Variants in SLC44A5 observed in about 807,000 individuals in gnomAD.
The protein encoded by SLC44A5 is choline transporter-like protein 5.
In SLC44A5, 57 loss-of-function variants were observed where a neutral mutation model predicts 101.8. That is an observed-to-expected ratio of 0.56 (90% CI 0.45 to 0.70). The LOEUF (loss-of-function observed/expected upper bound fraction) is 0.70, where lower values mean the gene tolerates loss of function less well. Among genes scored for constraint, SLC44A5 ranks in the 30% least tolerant of loss-of-function variants. The probability of loss-of-function intolerance (pLI) is 0.00; values close to 1 mark genes in which losing one functional copy is unlikely to be tolerated. For synonymous variants in SLC44A5, 281 were observed against 290.9 expected, an observed-to-expected ratio of 0.97 and a Z score of 0.35; for missense variants, 737 against 853.1, an observed-to-expected ratio of 0.86 and a Z score of 1.70.
chr1:75,665,571 A>T, the SLC44A5 span, among the ~76,000 whole-genome samples: 1 of 152,208 alleles, frequency 6.6e-6, no homozygotes, highest in East Asian at 1.9e-4. Flanking sequence ...AAGTTTTCAG[A>T]AGCAATTGCA....
intron 12 of SLC44A5, among the ~76,000 whole-genome samples, chr1:75,232,639 T>C (rs1262190375): frequency 6.6e-6 from 1 of 152,078 alleles, no homozygotes; most frequent in Non-Finnish European, 1.5e-5. Context: ...TTGGAGATAA[T>C]GAGGAGGGTA....
At chr1:75,254,566 A>G (rs1649856385) in intron 6 of SLC44A5, among the ~76,000 whole-genome samples, 1 of 152,176 alleles carries the variant, frequency 6.6e-6, no homozygotes, top group Non-Finnish European at 1.5e-5. Context: ...GTACCAATAA[A>G]TGAATAAACC....
At position 75,370,771 on chromosome 1, in the gene SLC44A5, G is replaced by C. The variant is rs144377188; in HGVS notation, c.52+25812C>G. 4.9e-3 allele frequency among the ~76,000 whole-genome samples: 739 copies of C among 152,320 alleles called. 11 individuals are homozygous for C. Among genetic ancestry groups the C allele is most frequent in the African/African-American group, 0.017 (714 of 41,566 alleles). ...GGTATATGGTAGGCTAATGAGAAGAGTCAGGGGTGTCAGAGAGATGGAGAA... is the reference window on the plus strand; with the variant it reads ...GGTATATGGTAGGCTAATGAGAAGACTCAGGGGTGTCAGAGAGATGGAGAA... On this transcript the variant is annotated intron_variant, in intron 3 of 23. Coordinates refer to ENST00000370859, the MANE Select transcript of SLC44A5 (RefSeq NM_001130058.2).
chr1:75,622,830 G>T, the SLC44A5 span, among the ~76,000 whole-genome samples: 399 of 152,186 alleles, frequency 2.6e-3, 1 homozygote, highest in Non-Finnish European at 4.1e-3. Flanking sequence ...GTGTTCTTAA[G>T]TTGTCCCATT....
chr1:75,573,317 CTG>C (rs1008708536), intron 1 of SLC44A5, among the ~76,000 whole-genome samples: 10 of 151,804 alleles, frequency 6.6e-5, no homozygotes, highest in Admixed American at 3.9e-4. Flanking sequence ...GAACTCCAGA[CTG>C]TGTGACAGAG....
intron 1 of SLC44A5, among the ~76,000 whole-genome samples, chr1:75,606,045 G>A (rs1042462597): frequency 2.0e-5 from 3 of 151,950 alleles, no homozygotes; most frequent in Non-Finnish European, 2.9e-5. Flanking sequence ...AATATCTCCA[G>A]ACACTGTAAA....
Position 75,479,338 on chromosome 1 carries a change from A to T in SLC44A5, c.13+62097T>A, listed in dbSNP as rs528381964. On this transcript the variant is annotated intron_variant, in intron 2 of 23. Transcript: ENST00000370859. ...CTGACACCCTAACATCACAATTAAA[A>T]GAACTAGAAAAGCAAGAGCAAACAC... is the stretch of plus-strand genomic sequence containing the variant. Among the ~76,000 whole-genome samples the T allele has an allele frequency of 5.8e-3, 881 of 152,360 alleles. 4 individuals carry two copies. Among genetic ancestry groups the T allele is most frequent in the African/African-American group, 0.02 (844 of 41,580 alleles).
At chr1:75,419,778 A>G (rs957869979) in intron 2 of SLC44A5, among the ~76,000 whole-genome samples, 6 of 152,150 alleles carry the variant, frequency 3.9e-5, no homozygotes, top group Non-Finnish European at 7.4e-5. Context: ...ATATAAATGT[A>G]TTGTGAAGTT....
At chr1:75,567,404 T>C (rs1232923219) in intron 1 of SLC44A5, among the ~76,000 whole-genome samples, 1 of 152,076 alleles carries the variant, frequency 6.6e-6, no homozygotes, top group Non-Finnish European at 1.5e-5. Flanking sequence ...TTACTATAGA[T>C]TATGAGCAAT....
intron 11 of SLC44A5, among the ~76,000 whole-genome samples, chr1:75,235,022 CAA>C (rs1647948431): frequency 1.3e-5 from 2 of 152,004 alleles, no homozygotes; most frequent in East Asian, 3.9e-4. Context: ...GTTATTGTCT[CAA>C]GTGTTATCTT....
intron 5 of SLC44A5, among the ~76,000 whole-genome samples, chr1:75,287,503 T>C (rs1653165137): frequency 1.3e-5 from 2 of 150,930 alleles, no homozygotes; most frequent in African/African-American, 2.4e-5. Context: ...TGTGATCTTT[T>C]GGGGGTACTA....
At chr1:75,634,582 A>C in the SLC44A5 span, among the ~76,000 whole-genome samples, 1 of 151,530 alleles carries the variant, frequency 6.6e-6, no homozygotes, top group African/African-American at 2.4e-5. Flanking sequence ...CTATTTAATA[A>C]ATGGTGCTGG....
the SLC44A5 span, among the ~76,000 whole-genome samples, chr1:75,627,450 G>A: frequency 6.6e-6 from 1 of 152,172 alleles, no homozygotes; most frequent in East Asian, 1.9e-4. Flanking sequence ...GGCCAAGGTG[G>A]GAGGATCATT....
intron 10 of SLC44A5, 146 bp downstream of exon 10, chr1:75,238,367 A>C (rs1648299035): frequency 3.9e-6 from 1 of 257,148 alleles, no homozygotes; most frequent in Admixed American, 6.1e-5. Flanking sequence ...TCTTCAATTC[A>C]CAGTAACACG....
chr1:75,621,856 G>A, the SLC44A5 span, among the ~76,000 whole-genome samples: 1 of 152,078 alleles, frequency 6.6e-6, no homozygotes, highest in Non-Finnish European at 1.5e-5. Context: ...TAGCCAGCTA[G>A]TCCATTTTTT....
chr1:75,536,389 G>A (rs1458831514), intron 2 of SLC44A5, among the ~76,000 whole-genome samples: 4 of 151,734 alleles, frequency 2.6e-5, no homozygotes, highest in African/African-American at 7.3e-5. Context: ...CACGAGGTCA[G>A]GAGATCGAGA....
At chr1:75,617,620 A>G in the SLC44A5 span, among the ~76,000 whole-genome samples, 6 of 152,208 alleles carry the variant, frequency 3.9e-5, no homozygotes, top group South Asian at 2.1e-4. Flanking sequence ...GAAATGACCA[A>G]TTCCTCTCAC....
intron 3 of SLC44A5, among the ~76,000 whole-genome samples, chr1:75,390,405 C>T (rs1460521668): frequency 8.1e-6 from 1 of 123,058 alleles, no homozygotes; most frequent in East Asian, 2.2e-4. Flanking sequence ...CACAAAAATC[C>T]TTAACAAAAA....
the SLC44A5 span, among the ~76,000 whole-genome samples, chr1:75,661,762 T>C: frequency 2.0e-5 from 3 of 152,064 alleles, no homozygotes; most frequent in South Asian, 6.2e-4. Flanking sequence ...ACATCACTAA[T>C]AGTCAGGAAA....
Sources: gnomAD v4.1 joint callset for allele counts (sites outside exome capture counted in the v4.1 genomes callset) on GRCh38, gnomAD v4.1.1 for gene constraint, MANE v1.5 for transcripts, NCBI Gene and HGNC (gene_info 2026-07-23, HGNC 2026-07-21) for gene names.